PPM1E: variants seen among roughly 807,000 people sequenced by gnomAD.
PPM1E encodes protein phosphatase 1E.
In PPM1E, 20 loss-of-function variants were observed where a neutral mutation model predicts 65.9. The observed-to-expected ratio is 0.30, with a 90% CI of 0.21 to 0.44. The LOEUF (loss-of-function observed/expected upper bound fraction) is 0.44, where lower values mean the gene tolerates loss of function less well. Ranked by LOEUF, PPM1E falls within the 20% of genes least tolerant of loss-of-function variation. The pLI, the probability that PPM1E is intolerant of heterozygous loss-of-function variation, is 1.00. For missense variants in PPM1E, 713 were observed against 953.1 expected (o/e 0.75, Z 3.32); for synonymous variants, 352 against 374.9 (o/e 0.94, Z 0.70).
At chr17:58,818,202 G>A (rs1039331200) in intron 1 of PPM1E, among the ~76,000 whole-genome samples, 4 of 152,116 alleles carry the variant, frequency 2.6e-5, no homozygotes, top group African/African-American at 9.7e-5. Context: ...TGCTAAGTAA[G>A]CACATTAATT....
At chr17:58,813,356 A>T (rs1306143580) in intron 1 of PPM1E, among the ~76,000 whole-genome samples, 1 of 152,218 alleles carries the variant, frequency 6.6e-6, no homozygotes, top group Non-Finnish European at 1.5e-5. Flanking sequence ...AATTATGCAC[A>T]TGGTAGAGAA....
chr17:58,849,011 T>C (rs1317888305), intron 1 of PPM1E, among the ~76,000 whole-genome samples: 3 of 152,208 alleles, frequency 2.0e-5, no homozygotes, highest in African/African-American at 7.2e-5. Flanking sequence ...GGAGGGTGTA[T>C]GTGTCCAGGA....
At position 58,984,772 on chromosome 17, in the gene PPM1E, T is replaced by C. The variant is rs3809722; in HGVS notation, c.*3741T>C. On this transcript the variant is annotated 3_prime_UTR_variant, in exon 7 of 7. Transcript: ENST00000308249. ...ACTGTTACTTCTTAAAGCAGCATTTTATCTTCTATTTTGAAGACTATTTAT... is the reference window on the plus strand; with the variant it reads ...ACTGTTACTTCTTAAAGCAGCATTTCATCTTCTATTTTGAAGACTATTTAT... The C allele has an allele frequency of 6.6e-6, 1 of 152,498 alleles. No individual in the cohort carries two copies. The highest frequency in any genetic ancestry group is 2.1e-4 in the South Asian group (1 of 4,836). 9.4% of individuals were successfully genotyped at this position (152,498 alleles called of 1,614,324 possible).
intron 1 of PPM1E, among the ~76,000 whole-genome samples, chr17:58,775,641 G>A (rs1478047436): frequency 6.6e-6 from 1 of 151,920 alleles, no homozygotes; most frequent in Non-Finnish European, 1.5e-5. Context: ...GGGGCCGGGC[G>A]CAGTGGCTCA....
chr17:58,834,426 C>T (rs1281225481), intron 1 of PPM1E, among the ~76,000 whole-genome samples: 3 of 151,812 alleles, frequency 2.0e-5, no homozygotes, highest in African/African-American at 7.3e-5. Flanking sequence ...TAATTTTTTC[C>T]TTTATGGGTT....
chr17:58,976,720 C>T (rs1395616609), intron 6 of PPM1E, among the ~76,000 whole-genome samples: 1 of 152,148 alleles, frequency 6.6e-6, no homozygotes, highest in Non-Finnish European at 1.5e-5. Context: ...GAATTTGACA[C>T]CCAACAGTAG....
chr17:58,912,053 G>C (rs927779202), intron 1 of PPM1E, among the ~76,000 whole-genome samples: 1 of 152,250 alleles, frequency 6.6e-6, no homozygotes, highest in African/African-American at 2.4e-5. Context: ...ATTGGCTAGG[G>C]TTGAACTGTA....
At chr17:58,802,004 C>G (rs954215386) in intron 1 of PPM1E, among the ~76,000 whole-genome samples, 1 of 152,012 alleles carries the variant, frequency 6.6e-6, no homozygotes. Context: ...GTGATCCACC[C>G]ACCTCAGCCT....
chr17:58,840,207 C>T (rs2050704415), intron 1 of PPM1E, among the ~76,000 whole-genome samples: 1 of 152,180 alleles, frequency 6.6e-6, no homozygotes, highest in African/African-American at 2.4e-5. Flanking sequence ...AGAAGTATTG[C>T]CAACCAGGTA....
At chr17:58,979,269 G>C (rs966215689) in intron 6 of PPM1E, among the ~76,000 whole-genome samples, 2 of 152,140 alleles carry the variant, frequency 1.3e-5, no homozygotes, top group African/African-American at 4.8e-5. Flanking sequence ...CATACATTTT[G>C]TCTGTTCTCT....
At chr17:58,918,659 C>T (rs572819334) in intron 1 of PPM1E, among the ~76,000 whole-genome samples, 6 of 151,504 alleles carry the variant, frequency 4.0e-5, no homozygotes, top group African/African-American at 9.7e-5. Context: ...ACAAAAAATT[C>T]GCCGGGCATG....
intron 1 of PPM1E, among the ~76,000 whole-genome samples, chr17:58,886,606 C>T (rs747393931): frequency 6.6e-6 from 1 of 152,196 alleles, no homozygotes. Flanking sequence ...CCTTTACTAG[C>T]TTGAATTACT....
In PPM1E at chr17:58,955,635, C is replaced by CT. The variant is rs2029870269; in HGVS notation, c.465-8dup. 2 of 1,612,020 alleles carry CT rather than the reference C, an allele frequency of 1.2e-6. No homozygotes were observed. Among genetic ancestry groups the CT allele is most frequent in the Admixed American group, 1.7e-5 (1 of 59,552 alleles). On this transcript the variant is annotated splice_polypyrimidine_tract_variant and intron_variant, in intron 1 of 6. Transcript: ENST00000308249. ...TCTTTTGCTGAAAATGGCCTTTTAT[C>CT]TTTTTTCTTGCAGTAATTGCCCTTC...
At chr17:58,846,558 A>T (rs1348927579) in intron 1 of PPM1E, among the ~76,000 whole-genome samples, 1 of 152,124 alleles carries the variant, frequency 6.6e-6, no homozygotes, top group Admixed American at 6.6e-5. Flanking sequence ...GCTCAGAATG[A>T]TGGTTTCCAG....
intron 1 of PPM1E, among the ~76,000 whole-genome samples, chr17:58,799,714 G>A (rs1202157705): frequency 3.9e-5 from 6 of 152,216 alleles, no homozygotes; most frequent in Non-Finnish European, 7.3e-5. Context: ...AAAGTGCTGG[G>A]ATTACAGGCA....
rs746712942 is a variant in PPM1E at position 58,981,037 on chromosome 17, C to T, written c.*6C>T. The stretch of plus-strand genomic sequence containing the variant: ...GGAGCTATAAAATAGAATAATTTTT[C>T]TTTCAAGTAGGTTAGCTAGCTCTCC... On this transcript the variant is annotated 3_prime_UTR_variant, in exon 7 of 7. Transcript: ENST00000308249. 5 of 1,570,036 alleles carry T rather than the reference C, an allele frequency of 3.2e-6. No homozygotes were observed. The South Asian group carries it at 6.0e-5, about 19-fold the overall frequency.
At chr17:58,902,185 A>G (rs1355139199) in intron 1 of PPM1E, among the ~76,000 whole-genome samples, 2 of 152,176 alleles carry the variant, frequency 1.3e-5, no homozygotes, top group Non-Finnish European at 2.9e-5. Context: ...ATACAGAGTT[A>G]TAGAAGTAAG....
At chr17:58,761,210 C>T (rs2049817660) in intron 1 of PPM1E, among the ~76,000 whole-genome samples, 1 of 152,180 alleles carries the variant, frequency 6.6e-6, no homozygotes, top group Admixed American at 6.5e-5. Context: ...ACTCAGTTTC[C>T]AGTCTCCCCT....
At chr17:58,795,485 T>C (rs1435834055) in intron 1 of PPM1E, among the ~76,000 whole-genome samples, 1 of 152,170 alleles carries the variant, frequency 6.6e-6, no homozygotes, top group Non-Finnish European at 1.5e-5. Context: ...GGAGGATCTC[T>C]TGAGCCTAGG....
Sources: gnomAD v4.1 joint callset for allele counts (sites outside exome capture counted in the v4.1 genomes callset) on GRCh38, gnomAD v4.1.1 for gene constraint, MANE v1.5 for transcripts, NCBI Gene and HGNC (gene_info 2026-07-23, HGNC 2026-07-21) for gene names.